Variants in RAB3GAP2 observed in about 807,000 individuals in gnomAD.
RAB3GAP2 encodes rab3 GTPase-activating protein non-catalytic subunit.
In RAB3GAP2, 87 loss-of-function variants were observed where a neutral mutation model predicts 185.3. The ratio of observed to expected loss-of-function variants is 0.47; its 90% CI spans 0.39 to 0.56. The LOEUF is 0.56. RAB3GAP2 is among the 20% of genes least tolerant of loss of function. The pLI is 0.00. For synonymous variants in RAB3GAP2, 554 were observed against 576.1 expected (o/e 0.96, Z 0.55); for missense variants, 1,492 against 1,638.2 (o/e 0.91, Z 1.54).
chr1:220,249,993 G>A (rs1210876118), intron 1 of RAB3GAP2, among the ~76,000 whole-genome samples: 1 of 152,218 alleles, frequency 6.6e-6, no homozygotes, highest in East Asian at 1.9e-4. Flanking sequence ...CTAGGGCAGT[G>A]TGGAAGGGAA....
chr1:220,194,567 AT>A (rs1658688505), intron 12 of RAB3GAP2, among the ~76,000 whole-genome samples: 1 of 152,220 alleles, frequency 6.6e-6, no homozygotes, highest in Admixed American at 6.5e-5. Flanking sequence ...TAATTTTTGT[AT>A]TTTTAGTAGA....
intron 2 of RAB3GAP2, among the ~76,000 whole-genome samples, chr1:220,218,650 A>C (rs1472479862): frequency 6.6e-6 from 1 of 152,128 alleles, no homozygotes; most frequent in Non-Finnish European, 1.5e-5. Context: ...ATGACGAGTT[A>C]ATGGGTGCAG....
Position 220,182,771 on chromosome 1 carries a change from T to A in RAB3GAP2, c.2159A>T (p.Glu720Val). 6.2e-7 allele frequency: 1 copy of A among 1,612,458 alleles called. No individual in the cohort carries two copies. The highest frequency in any genetic ancestry group is 8.5e-7 in the Non-Finnish European group (1 of 1,179,712). ...VKTFLEYLEY[E>V]KDVLNIKKIS... ...TTTCTTTATGTTGAGCACATCCTTTTCATATTCTAAATATTCCAAGAATGT... is the reference window on the plus strand; with the variant it reads ...TTTCTTTATGTTGAGCACATCCTTTACATATTCTAAATATTCCAAGAATGT... Residue 720 changes from glutamate (E) to valine (V), a missense_variant, in exon 20 of 35, where the codon GAA (glutamate) becomes GTA (valine). Physicochemically the swap from Glu to Val is moderately radical, Grantham distance 121. Transcript: ENST00000358951.
At chr1:220,184,249 T>A in intron 18 of RAB3GAP2, 86 bp from the exon 19 acceptor site, 1 of 1,267,736 alleles carries the variant, frequency 7.9e-7, no homozygotes, top group Non-Finnish European at 1.1e-6. Flanking sequence ...CTCTCAATAT[T>A]ATGTAATTCC....
intron 26 of RAB3GAP2, among the ~76,000 whole-genome samples, chr1:220,165,348 C>T (rs541653469): frequency 6.6e-6 from 1 of 151,358 alleles, no homozygotes; most frequent in East Asian, 1.9e-4. Context: ...AAGAGAAAAA[C>T]ATTAAAGCAG....
chr1:220,213,109 G>A, intron 3 of RAB3GAP2, 141 bp from the exon 4 acceptor site: 1 of 593,548 alleles, frequency 1.7e-6, no homozygotes, highest in South Asian at 2.3e-5. Context: ...CTTTTTTATA[G>A]GTAAATATAA....
chr1:220,196,504 C>A, intron 9 of RAB3GAP2, 106 bp from the exon 10 acceptor site: 6 of 1,158,806 alleles, frequency 5.2e-6, no homozygotes, highest in Non-Finnish European at 6.2e-6. Flanking sequence ...TATTTAATAA[C>A]CAAAAGTCAT....
intron 1 of RAB3GAP2, chr1:220,267,268 G>T: frequency 1.1e-6 from 1 of 904,792 alleles, no homozygotes; most frequent in Non-Finnish European, 1.9e-6. Flanking sequence ...TGTATTGACT[G>T]TTTCAAGTGG....
At chr1:220,266,694 T>G in intron 1 of RAB3GAP2, 1 of 1,559,414 alleles carries the variant, frequency 6.4e-7, no homozygotes, top group African/African-American at 1.4e-5. Flanking sequence ...TTTCTCCCCC[T>G]GCACGATTCC....
At chr1:220,272,111 T>G in intron 1 of RAB3GAP2, 112 bp downstream of exon 1, 1 of 905,554 alleles carries the variant, frequency 1.1e-6, no homozygotes, top group South Asian at 1.4e-5. Flanking sequence ...CGGGGAGAAC[T>G]GGGGGTCCAG....
At chr1:220,184,456 T>C (rs944381943) in intron 18 of RAB3GAP2, among the ~76,000 whole-genome samples, 2 of 152,092 alleles carry the variant, frequency 1.3e-5, no homozygotes, top group African/African-American at 4.8e-5. Flanking sequence ...GAAATACCTT[T>C]GAAAATATTT....
At chr1:220,211,540 C>T (rs1266525969) in intron 4 of RAB3GAP2, among the ~76,000 whole-genome samples, 1 of 152,202 alleles carries the variant, frequency 6.6e-6, no homozygotes, top group Non-Finnish European at 1.5e-5. Context: ...AGAAACTGCT[C>T]TGATCATCTA....
chr1:220,185,379 A>G (rs1355598647), intron 18 of RAB3GAP2, among the ~76,000 whole-genome samples: 1 of 152,286 alleles, frequency 6.6e-6, no homozygotes, highest in East Asian at 1.9e-4. Flanking sequence ...ATACAAAGCT[A>G]TATCAGAATA....
At chr1:220,264,901 T>C (rs926077475) in intron 1 of RAB3GAP2, among the ~76,000 whole-genome samples, 1 of 152,160 alleles carries the variant, frequency 6.6e-6, no homozygotes, top group Non-Finnish European at 1.5e-5. Context: ...TCTTCTTTTA[T>C]TAGCTGAAAA....
chr1:220,163,352 CAGTT>C (rs1657998966), intron 27 of RAB3GAP2, among the ~76,000 whole-genome samples: 1 of 151,600 alleles, frequency 6.6e-6, no homozygotes, highest in South Asian at 2.1e-4. Flanking sequence ...AGTCTGAAGT[CAGTT>C]AGTAACTTAA....
intron 1 of RAB3GAP2, among the ~76,000 whole-genome samples, chr1:220,264,665 C>T (rs1252531950): frequency 6.6e-6 from 1 of 152,014 alleles, no homozygotes; most frequent in African/African-American, 2.4e-5. Context: ...CCCACCCTCC[C>T]ACCACAATTT....
rs778754576 is a variant in RAB3GAP2, at chr1:220,210,807, G to A, written c.504C>T (p.Tyr168=). Residue 168 remains tyrosine (Y), a synonymous_variant, in exon 6 of 35, where the codon TAC becomes TAT. Transcript: ENST00000358951. ...VGFTSGYVRF[Y]TENGVLLLAQ... ...TGTTGAAAACTCAACTCACCTCAGT[G>A]TAGAAGCGTACATAACCTGAAGTAA... The A allele has an allele frequency of 8.1e-6, 13 of 1,612,844 alleles. No homozygotes were observed. The Admixed American group carries it at 2.2e-4, about 27-fold the overall frequency.
intron 1 of RAB3GAP2, among the ~76,000 whole-genome samples, chr1:220,257,799 T>G (rs1660058513): frequency 6.6e-6 from 1 of 151,966 alleles, no homozygotes; most frequent in Admixed American, 6.6e-5. Flanking sequence ...AGCTGGTTTT[T>G]TAAAAAAATT....
Position 220,167,499 on chromosome 1 carries a change from C to T in RAB3GAP2, c.2980+3G>A, listed in dbSNP as rs765867847. 1.1e-5 allele frequency: 17 copies of T among 1,613,974 alleles called. No homozygotes were observed. Among genetic ancestry groups the T allele is most frequent in the Admixed American group, 1.7e-5 (1 of 59,994 alleles). On this transcript the variant is annotated splice_donor_region_variant and intron_variant, in intron 25 of 34. Transcript: ENST00000358951. ...TTCATATTTCTCATTATTTGTGTATCACCTGGTATGGCTCCTAAGTCCATC... is the reference window on the plus strand; with the variant it reads ...TTCATATTTCTCATTATTTGTGTATTACCTGGTATGGCTCCTAAGTCCATC...
Sources: allele counts gnomAD v4.1 joint callset (sites outside exome capture counted in the v4.1 genomes callset), GRCh38; gene constraint gnomAD v4.1.1; transcripts MANE v1.5; gene names NCBI Gene and HGNC (gene_info 2026-07-23, HGNC 2026-07-21).